Variants in SPACA7 observed in about 807,000 individuals in gnomAD.
The protein encoded by SPACA7 is sperm acrosome associated 7.
SPACA7 carries 19 observed loss-of-function variants against 26.3 expected under a neutral mutation model. The observed-to-expected ratio is 0.72, with a 90% confidence interval of 0.50 to 1.06. SPACA7 has a LOEUF of 1.06. Among genes scored for constraint, SPACA7 ranks in the 50% least tolerant of loss-of-function variants. The pLI is 0.00. For missense variants in SPACA7, 211 were observed against 229.9 expected (o/e 0.92, Z 0.53); for synonymous variants, 84 against 84.5 (o/e 0.99, Z 0.04).
chr13:112,391,271 C>G (rs1884869164), intron 1 of SPACA7, among the ~76,000 whole-genome samples: 1 of 152,240 alleles, frequency 6.6e-6, no homozygotes, highest in South Asian at 2.1e-4. Flanking sequence ...TTCTAAATCA[C>G]TTTCTCACGA....
At chr13:112,383,173 GAAAGAAAGAAAGAAAGAAAGA>G (rs1884297580) in intron 1 of SPACA7, among the ~76,000 whole-genome samples, 3 of 114,086 alleles carry the variant, frequency 2.6e-5, no homozygotes, top group Admixed American at 9.1e-5. Context: ...AAGAAAGAAA[GAAAGAAAGAAAGAAAGAAAGA>G]AAAGAAAGAA....
At chr13:112,425,572 C>G (rs930488316) in intron 5 of SPACA7, among the ~76,000 whole-genome samples, 1 of 152,046 alleles carries the variant, frequency 6.6e-6, no homozygotes, top group Non-Finnish European at 1.5e-5. Context: ...AGAATAAAGA[C>G]AGAGTGTAAG....
chr13:112,425,580 A>G (rs934561421), intron 5 of SPACA7, among the ~76,000 whole-genome samples: 1 of 152,220 alleles, frequency 6.6e-6, no homozygotes, highest in African/African-American at 2.4e-5. Context: ...GACAGAGTGT[A>G]AGTATGAAAC....
chr13:112,414,484 C>G (rs1437810454), intron 5 of SPACA7, among the ~76,000 whole-genome samples: 1 of 130,876 alleles, frequency 7.6e-6, no homozygotes, highest in Non-Finnish European at 1.6e-5. Context: ...GATCTCAGCT[C>G]ACTGCAACCT....
chr13:112,432,550 T>G lies in SPACA7; in HGVS notation c.523+29T>G, dbSNP rs779882403. On this transcript the variant is annotated intron_variant, in intron 6 of 6. Coordinates refer to ENST00000283550, the MANE Select transcript of SPACA7 (RefSeq NM_145248.5). ...GATTGGAAATAATAGATAAGTGTCT[T>G]CTCATTTGGGGATTCTTTTCCTGCT... 9 of 1,505,324 alleles carry G rather than the reference T, an allele frequency of 6.0e-6. No individual in the cohort carries two copies. In the East Asian group the frequency reaches 1.8e-4, roughly 30 times the overall value. 93.2% of individuals were successfully genotyped at this position (1,505,324 alleles called of 1,614,324 possible).
At chr13:112,406,510 A>G (rs1885998152) in intron 5 of SPACA7, among the ~76,000 whole-genome samples, 1 of 152,196 alleles carries the variant, frequency 6.6e-6, no homozygotes, top group Admixed American at 6.5e-5. Context: ...AAACTCCTAA[A>G]ACCCAACAAC....
intron 2 of SPACA7, 119 bp downstream of exon 2, chr13:112,393,196 T>G: frequency 1.4e-6 from 1 of 731,322 alleles, no homozygotes; most frequent in Non-Finnish European, 2.3e-6. Flanking sequence ...ACTGATTGGT[T>G]TGGGGCTAGA....
chr13:112,383,122 AAAGAAAGAAAGAAAGAAAGAAAGAAAG>A, intron 1 of SPACA7, among the ~76,000 whole-genome samples: 1 of 3,078 alleles, frequency 3.2e-4, no homozygotes, highest in South Asian at 8.3e-3. Context: ...AAAGAAAAGA[AAAGAAAGAAAGAAAGAAAGAAAGAAAG>A]AAAGAAAGAA....
intron 5 of SPACA7, among the ~76,000 whole-genome samples, chr13:112,425,572 C>T (rs930488316): frequency 6.6e-6 from 1 of 152,046 alleles, no homozygotes; most frequent in Admixed American, 6.6e-5. Flanking sequence ...AGAATAAAGA[C>T]AGAGTGTAAG....
At chr13:112,389,113 G>A (rs181934957) in intron 1 of SPACA7, among the ~76,000 whole-genome samples, 6 of 152,302 alleles carry the variant, frequency 3.9e-5, no homozygotes, top group African/African-American at 1.4e-4. Flanking sequence ...AGGCAGTCTA[G>A]TCCCCAAGCA....
chr13:112,404,121 C>G lies in SPACA7; in HGVS notation c.445+2957C>G, dbSNP rs1035494245. ...GATTTTTTGATTATGGCCACTCTTG[C>G]AGGAGTGAGGTGGTATAGCATTGTG... On this transcript the variant is annotated intron_variant, in intron 5 of 6. Coordinates refer to ENST00000283550, the MANE Select transcript of SPACA7 (RefSeq NM_145248.5). Among the ~76,000 whole-genome samples the G allele has an allele frequency of 7.2e-5, 11 of 152,286 alleles. No individual in the cohort carries two copies. The Middle Eastern group carries it at 0.017, about 235-fold the overall frequency.
chr13:112,403,425 G>T (rs969914563), intron 5 of SPACA7, among the ~76,000 whole-genome samples: 3 of 152,026 alleles, frequency 2.0e-5, no homozygotes, highest in Admixed American at 2.0e-4. Flanking sequence ...GAAATCCAGG[G>T]ATTTTTTTAA....
At chr13:112,388,747 GT>G (rs1451329168) in intron 1 of SPACA7, among the ~76,000 whole-genome samples, 2 of 152,224 alleles carry the variant, frequency 1.3e-5, no homozygotes, top group Non-Finnish European at 2.9e-5. Context: ...GGAGACCAGA[GT>G]TTTTTTATTA....
chr13:112,398,007 T>C, intron 2 of SPACA7, 42 bp from the exon 3 acceptor site: 1 of 1,445,922 alleles, frequency 6.9e-7, no homozygotes, highest in African/African-American at 1.4e-5. Context: ...GGGCCAGCCC[T>C]GCAGGGCCGA....
intron 5 of SPACA7, among the ~76,000 whole-genome samples, chr13:112,402,095 T>C (rs1885685118): frequency 6.6e-6 from 1 of 152,250 alleles, no homozygotes; most frequent in Non-Finnish European, 1.5e-5. Flanking sequence ...TATGTTTTTA[T>C]TGGGATTGCT....
At chr13:112,383,061 A>ACAGAAG (rs1235845366) in intron 1 of SPACA7, among the ~76,000 whole-genome samples, 6 of 149,596 alleles carry the variant, frequency 4.0e-5, no homozygotes, top group African/African-American at 1.2e-4. Flanking sequence ...GGAAAGAAAG[A>ACAGAAG]GACAGAAAGA....
chr13:112,396,723 G>A (rs12429893), intron 2 of SPACA7, among the ~76,000 whole-genome samples: 47,933 of 152,134 alleles, frequency 0.32, 7,699 homozygotes, highest in South Asian at 0.43. Flanking sequence ...GAGTGGCAGC[G>A]CCCAGCCCCT....
At chr13:112,392,678 G>A (rs561483621) in intron 1 of SPACA7, among the ~76,000 whole-genome samples, 2 of 152,324 alleles carry the variant, frequency 1.3e-5, no homozygotes, top group Non-Finnish European at 1.5e-5. Flanking sequence ...GCAGCTGGGT[G>A]AGCCCAGTCA....
At chr13:112,378,686 T>A in intron 1 of SPACA7, 1 of 471,060 alleles carries the variant, frequency 2.1e-6, no homozygotes, top group East Asian at 6.9e-5. Flanking sequence ...GCAAATGACC[T>A]TCTTCACTCA....
Sources: gnomAD v4.1 joint callset for allele counts (sites outside exome capture counted in the v4.1 genomes callset) on GRCh38, gnomAD v4.1.1 for gene constraint, MANE v1.5 for transcripts, NCBI Gene and HGNC (gene_info 2026-07-23, HGNC 2026-07-21) for gene names.